The following TAFA1 variants were observed in gnomAD, a reference collection of about 807,000 sequenced individuals.
TAFA1 encodes the protein TAFA chemokine like family member 1.
In TAFA1, 4 loss-of-function variants were observed where a neutral mutation model predicts 18.5. That is an observed-to-expected ratio of 0.22 (90% CI 0.11 to 0.49). TAFA1 has a LOEUF of 0.49. Ranked by LOEUF, TAFA1 falls within the 20% of genes least tolerant of loss-of-function variation. The pLI, the probability that TAFA1 is intolerant of heterozygous loss-of-function variation, is 0.98. For synonymous variants in TAFA1, 56 were observed against 55.2 expected (o/e 1.01, Z -0.06); for missense variants, 147 against 169.0 (o/e 0.87, Z 0.72).
At chr3:68,327,465 C>T (rs1321787815) in intron 2 of TAFA1, among the ~76,000 whole-genome samples, 1 of 152,102 alleles carries the variant, frequency 6.6e-6, no homozygotes, top group Non-Finnish European at 1.5e-5. Flanking sequence ...GAAGTATGGG[C>T]TTTGATGTTA....
At chr3:67,997,063 T>C in the TAFA1 span, among the ~76,000 whole-genome samples, 38 of 151,760 alleles carry the variant, frequency 2.5e-4, no homozygotes, top group Admixed American at 2.5e-3. Flanking sequence ...AAAAGCAAGC[T>C]GAGTTAGGAA....
chr3:68,035,392 G>C (rs1217160017), intron 2 of TAFA1, among the ~76,000 whole-genome samples: 1 of 151,994 alleles, frequency 6.6e-6, no homozygotes, highest in Non-Finnish European at 1.5e-5. Context: ...AATATATTTG[G>C]TTAAAAAAGC....
intron 3 of TAFA1, among the ~76,000 whole-genome samples, chr3:68,491,670 C>A (rs1391220148): frequency 2.0e-5 from 3 of 148,044 alleles, no homozygotes; most frequent in Non-Finnish European, 4.6e-5. Flanking sequence ...TGCACATGTA[C>A]CCTAAAACTT....
intron 2 of TAFA1, among the ~76,000 whole-genome samples, chr3:68,084,292 G>A (rs1025963363): frequency 1.3e-5 from 2 of 152,160 alleles, no homozygotes; most frequent in Non-Finnish European, 2.9e-5. Context: ...ATTATTAGAA[G>A]AATTTTGTTC....
chr3:68,119,470 C>A (rs1034823004), intron 2 of TAFA1, among the ~76,000 whole-genome samples: 3 of 152,098 alleles, frequency 2.0e-5, no homozygotes, highest in Admixed American at 6.5e-5. Context: ...AATCCAATGT[C>A]AAGAAGATTT....
At chr3:68,156,525 T>A (rs144399713) in intron 2 of TAFA1, among the ~76,000 whole-genome samples, 1 of 152,304 alleles carries the variant, frequency 6.6e-6, no homozygotes, top group African/African-American at 2.4e-5. Flanking sequence ...ACAGATACTG[T>A]GGCTGCTGTG....
At chr3:68,174,182 T>A (rs181373221) in intron 2 of TAFA1, among the ~76,000 whole-genome samples, 1 of 152,330 alleles carries the variant, frequency 6.6e-6, no homozygotes, top group East Asian at 1.9e-4. Flanking sequence ...TTGGTTTGCA[T>A]GGAACTGAAA....
intron 2 of TAFA1, among the ~76,000 whole-genome samples, chr3:68,277,954 A>T (rs2067826945): frequency 6.6e-6 from 1 of 152,196 alleles, no homozygotes; most frequent in African/African-American, 2.4e-5. Context: ...AAACTGTCCC[A>T]TCGTAACATA....
chr3:68,318,158 A>G (rs555561003), intron 2 of TAFA1, among the ~76,000 whole-genome samples: 1 of 152,306 alleles, frequency 6.6e-6, no homozygotes, highest in African/African-American at 2.4e-5. Flanking sequence ...ACATACATGT[A>G]CAGACATTCA....
chr3:68,166,164 G>A lies in TAFA1; in HGVS notation c.118+159420G>A, dbSNP rs571500388. On this transcript the variant is annotated intron_variant, in intron 2 of 4. Coordinates refer to ENST00000478136, the MANE Select transcript of TAFA1 (RefSeq NM_213609.4). The stretch of plus-strand genomic sequence containing the variant: ...CCAGAGATCGGAGACTGAACAAGTA[G>A]GCTGAAACGTCATTGTTAAGGTCTT... Among the ~76,000 whole-genome samples, 9 of 152,316 alleles carry A rather than the reference G, an allele frequency of 5.9e-5. No homozygotes were observed. In the South Asian group the frequency reaches 1.9e-3, roughly 32 times the overall value.
chr3:68,365,205 A>G (rs1295453360), intron 2 of TAFA1, among the ~76,000 whole-genome samples: 2 of 152,206 alleles, frequency 1.3e-5, no homozygotes, highest in Non-Finnish European at 2.9e-5. Flanking sequence ...AGATGGGAAA[A>G]CTGAGCTTCT....
intron 3 of TAFA1, among the ~76,000 whole-genome samples, chr3:68,532,871 T>C (rs1157967507): frequency 3.5e-5 from 5 of 142,074 alleles, no homozygotes; most frequent in Non-Finnish European, 7.6e-5. Context: ...AATGTAGCTT[T>C]GTAAAGCAAA....
At chr3:68,144,987 G>A (rs1165207147) in intron 2 of TAFA1, 93 of 1,388,908 alleles carry the variant, frequency 6.7e-5, no homozygotes, top group Middle Eastern at 1.8e-4. Context: ...GCCTAGGCCC[G>A]GAGACCGGCC....
intron 3 of TAFA1, among the ~76,000 whole-genome samples, chr3:68,494,380 C>T (rs1575920873): frequency 6.6e-6 from 1 of 152,168 alleles, no homozygotes; most frequent in Non-Finnish European, 1.5e-5. Flanking sequence ...CTGTCTGGTT[C>T]CTAGTGTGCT....
rs149113054 is a variant in TAFA1, at chr3:68,395,261, G to A, written c.119-22019G>A. On this transcript the variant is annotated intron_variant, in intron 2 of 4. Transcript: ENST00000478136. ...AATGAGATACCATCTCAACCAGTTA[G>A]AATGGCAATTATTAAAAAGTCAGGA... Among the ~76,000 whole-genome samples, 76 of 152,218 alleles carry A rather than the reference G, an allele frequency of 5.0e-4. 1 individual carries two copies. The East Asian group carries it at 8.3e-3, about 17-fold the overall frequency.
At chr3:68,461,381 G>A (rs1553824) in intron 3 of TAFA1, among the ~76,000 whole-genome samples, 83,217 of 120,564 alleles carry the variant, frequency 0.69, 28,587 homozygotes, top group East Asian at 0.72. Flanking sequence ...ATATATATAT[G>A]TATGTATGTA....
intron 2 of TAFA1, among the ~76,000 whole-genome samples, chr3:68,377,320 A>T (rs1696123748): frequency 1.3e-5 from 2 of 152,206 alleles, no homozygotes; most frequent in Non-Finnish European, 2.9e-5. Flanking sequence ...CAAAATGCTG[A>T]TACTGATGTG....
intron 2 of TAFA1, among the ~76,000 whole-genome samples, chr3:68,343,924 A>G (rs1044844269): frequency 2.0e-5 from 3 of 152,004 alleles, no homozygotes; most frequent in Admixed American, 1.3e-4. Flanking sequence ...GCTCACCGCA[A>G]CCTCTGCCTC....
chr3:68,153,772 T>G (rs758777876), intron 2 of TAFA1, among the ~76,000 whole-genome samples: 2 of 152,108 alleles, frequency 1.3e-5, no homozygotes, highest in Non-Finnish European at 2.9e-5. Context: ...TCCCCTGAAT[T>G]AGTCATCAGA....
Sources: gnomAD v4.1 joint callset for allele counts (sites outside exome capture counted in the v4.1 genomes callset) on GRCh38, gnomAD v4.1.1 for gene constraint, MANE v1.5 for transcripts, NCBI Gene and HGNC (gene_info 2026-07-23, HGNC 2026-07-21) for gene names.